The following ADGRG6 variants were observed in gnomAD, a reference collection of about 807,000 sequenced individuals.
ADGRG6 encodes G-protein coupled receptor 126.
ADGRG6 carries 84 observed loss-of-function variants against 142.4 expected under a neutral mutation model. The ratio of observed to expected loss-of-function variants is 0.59; its 90% CI spans 0.49 to 0.71. The LOEUF (loss-of-function observed/expected upper bound fraction) is 0.71. Ranked by LOEUF, ADGRG6 falls within the 30% of genes least tolerant of loss-of-function variation. The pLI, the probability that ADGRG6 is intolerant of heterozygous loss-of-function variation, is 0.00. For missense variants in ADGRG6, 1,367 were observed against 1,466.6 expected, an observed-to-expected ratio of 0.93 and a Z score of 1.11; for synonymous variants, 521 against 520.5, an observed-to-expected ratio of 1.00 and a Z score of -0.01.
intron 18 of ADGRG6, 93 bp downstream of exon 18, chr6:142,411,504 G>A: frequency 1.4e-6 from 1 of 735,628 alleles, no homozygotes; most frequent in Admixed American, 1.8e-5. Context: ...TGTATTTTGG[G>A]AATTATTTCC....
rs753603038 is a variant in ADGRG6 at position 142,419,845 on chromosome 6, A to G, written c.3060A>G (p.Ile1020Met). The G allele has an allele frequency of 7.2e-5, 116 of 1,610,620 alleles. No homozygotes were observed. Among genetic ancestry groups the G allele is most frequent in the Non-Finnish European group, 9.0e-5 (106 of 1,178,180 alleles). The part of the protein sequence containing the change: ...DEFCWIQDPV[I>M]FYVTCAGYFG... ...GCTGTTGGATTCAAGATCCAGTCAT[A>G]TTTTATGTGACCTGTGCTGGGTATT... is the stretch of plus-strand genomic sequence containing the variant. The change falls in exon 22 of 25, where the codon ATA becomes ATG. Residue 1020 changes from isoleucine (I) to methionine (M), a missense_variant. This residue lies in a region of ADGRG6 where 344 missense variants were observed against 348.7 expected (regional missense o/e 0.99). Coordinates refer to ENST00000367609, the MANE Select transcript of ADGRG6 (RefSeq NM_198569.3).
At chr6:142,353,959 G>A (rs1344135927) in intron 2 of ADGRG6, among the ~76,000 whole-genome samples, 11 of 152,144 alleles carry the variant, frequency 7.2e-5, no homozygotes, top group East Asian at 3.9e-4. Context: ...GTTCCACCCA[G>A]GCAATGTGCT....
chr6:142,340,054 T>C (rs1779538396), intron 2 of ADGRG6, among the ~76,000 whole-genome samples: 1 of 152,174 alleles, frequency 6.6e-6, no homozygotes, highest in Non-Finnish European at 1.5e-5. Flanking sequence ...TTAACTTCTC[T>C]TTTGTCATGT....
At chr6:142,328,229 G>T (rs957253428) in intron 2 of ADGRG6, among the ~76,000 whole-genome samples, 7 of 152,078 alleles carry the variant, frequency 4.6e-5, no homozygotes, top group Non-Finnish European at 8.8e-5. Context: ...TTGAGACAAG[G>T]TCTTGCTGTG....
At chr6:142,337,299 A>G (rs1372143349) in intron 2 of ADGRG6, among the ~76,000 whole-genome samples, 1 of 152,232 alleles carries the variant, frequency 6.6e-6, no homozygotes, top group Non-Finnish European at 1.5e-5. Context: ...TATTGGAAGC[A>G]GTCAAATAGC....
chr6:142,373,006 A>G (rs898086356), intron 4 of ADGRG6, among the ~76,000 whole-genome samples: 4 of 152,220 alleles, frequency 2.6e-5, no homozygotes, highest in African/African-American at 9.6e-5. Flanking sequence ...ACTAAATGTC[A>G]TTTTAAGCAC....
chr6:142,437,377 A>T lies in ADGRG6; in HGVS notation c.3320-57A>T, dbSNP rs541391834. 3 of 795,476 alleles carry T rather than the reference A, an allele frequency of 3.8e-6. 1 individual carries two copies. Among genetic ancestry groups the T allele is most frequent in the South Asian group, 3.1e-5 (2 of 65,500 alleles). The allele number at this position is 795,476 out of a possible 1,614,324, so 49.3% of individuals were successfully genotyped here. A position where few individuals can be genotyped will look rare whatever the true frequency, so the allele number is the denominator to read the frequency against. ...AAAATGAATCCATGTATTTTATAAG[A>T]TTTCTCTTTAAAGATGTGTCAGTTG... On this transcript the variant is annotated intron_variant, in intron 22 of 24. Coordinates refer to ENST00000367609, the MANE Select transcript of ADGRG6 (RefSeq NM_198569.3).
At chr6:142,395,684 A>G (rs1015401833) in intron 9 of ADGRG6, among the ~76,000 whole-genome samples, 3 of 152,198 alleles carry the variant, frequency 2.0e-5, no homozygotes, top group Non-Finnish European at 4.4e-5. Context: ...GCTTTTTGGT[A>G]TGAACTCTTG....
chr6:142,432,184 G>C (rs532767605), intron 22 of ADGRG6, among the ~76,000 whole-genome samples: 1 of 152,142 alleles, frequency 6.6e-6, no homozygotes, highest in East Asian at 1.9e-4. Flanking sequence ...GAAGTGTTCA[G>C]AATTTCTTTC....
At position 142,370,517 on chromosome 6, in the gene ADGRG6, G is replaced by A; in HGVS notation, c.793G>A (p.Gly265Ser). The A allele has an allele frequency of 6.2e-7, 1 of 1,613,418 alleles. No homozygotes were observed. ...TTGGAATAATTCTTTGGGCTCTATT[G>A]GTGTAAATTTCAAAAGAAACTATGA... is the stretch of plus-strand genomic sequence containing the variant. ...LVWNNSLGSI[G>S]VNFKRNYETV... is the part of the protein sequence containing the mutation. The change falls in exon 4 of 25, where the codon GGT becomes AGT. Residue 265 changes from glycine (G) to serine (S), a missense_variant. Physicochemically the swap from Gly to Ser is moderately conservative, Grantham distance 56. Around this residue, in one of 3 missense-constraint regions of ADGRG6, gnomAD observed 737 missense variants for 746.5 expected, o/e 0.99. Transcript: ENST00000367609.
In ADGRG6 at chr6:142,389,178, G is replaced by A. The variant is rs1774740271; in HGVS notation, c.1223-1080G>A. 2.0e-5 allele frequency among the ~76,000 whole-genome samples: 3 copies of A among 151,914 alleles called. No individual in the cohort carries two copies. The South Asian group carries it at 6.2e-4, about 32-fold the overall frequency. On this transcript the variant is annotated intron_variant, in intron 6 of 24. Coordinates refer to ENST00000367609, the MANE Select transcript of ADGRG6 (RefSeq NM_198569.3). ...TAGCACAAGACTCTGATTCTTACTGGAAAGACATTCCTTTGGTAGTGGGAC... is the reference window on the plus strand; with the variant it reads ...TAGCACAAGACTCTGATTCTTACTGAAAAGACATTCCTTTGGTAGTGGGAC...
At chr6:142,389,440 G>C (rs1445966932) in intron 6 of ADGRG6, among the ~76,000 whole-genome samples, 1 of 151,820 alleles carries the variant, frequency 6.6e-6, no homozygotes, top group Admixed American at 6.6e-5. Context: ...ATTTAAAAGG[G>C]TATTTTTCTT....
At chr6:142,424,623 TA>T (rs1402186549) in intron 22 of ADGRG6, among the ~76,000 whole-genome samples, 5 of 151,326 alleles carry the variant, frequency 3.3e-5, no homozygotes, top group Non-Finnish European at 7.4e-5. Flanking sequence ...GATATTGGTC[TA>T]AAATTCTCTT....
intron 4 of ADGRG6, among the ~76,000 whole-genome samples, chr6:142,371,301 C>T (rs151179486): frequency 0.012 from 1,871 of 151,026 alleles, 43 homozygotes; most frequent in African/African-American, 0.042. Flanking sequence ...TATCTGGGAC[C>T]ACAGGCGTGC....
chr6:142,305,221 G>C (rs369624881), intron 1 of ADGRG6, among the ~76,000 whole-genome samples: 39 of 152,256 alleles, frequency 2.6e-4, no homozygotes, highest in Middle Eastern at 6.8e-3. Context: ...GCCGTGACAT[G>C]AAAACAGTGA....
intron 2 of ADGRG6, among the ~76,000 whole-genome samples, chr6:142,318,210 T>TTATATTATA (rs1778294984): frequency 2.7e-5 from 1 of 37,098 alleles, no homozygotes; most frequent in African/African-American, 2.2e-4. Context: ...TTATATATAT[T>TTATATTATA]TATATATTAT....
At chr6:142,383,050 TA>T (rs766837288) in intron 5 of ADGRG6, among the ~76,000 whole-genome samples, 1 of 152,026 alleles carries the variant, frequency 6.6e-6, no homozygotes, top group Non-Finnish European at 1.5e-5. Context: ...TTATATGAAA[TA>T]AAAAAATCTG....
chr6:142,384,874 G>T (rs987573558), intron 6 of ADGRG6, among the ~76,000 whole-genome samples: 11 of 151,798 alleles, frequency 7.2e-5, no homozygotes, highest in African/African-American at 2.7e-4. Flanking sequence ...ATTTCAGTAG[G>T]GTTATAAAGA....
intron 2 of ADGRG6, among the ~76,000 whole-genome samples, chr6:142,312,472 AT>A (rs1777815409): frequency 6.6e-6 from 1 of 152,074 alleles, no homozygotes; most frequent in South Asian, 2.1e-4. Context: ...TAAAATAACA[AT>A]TTAGAATATT....
Sources: gnomAD v4.1 joint callset for allele counts (sites outside exome capture counted in the v4.1 genomes callset) on GRCh38, gnomAD v4.1.1 for gene constraint, gnomAD v4.1.1 regional missense constraint, MANE v1.5 for transcripts, NCBI Gene and HGNC (gene_info 2026-07-23, HGNC 2026-07-21) for gene names.